KIF21A: variants seen among roughly 807,000 people sequenced by gnomAD.
KIF21A encodes kinesin-like protein KIF21A.
KIF21A carries 114 observed loss-of-function variants against 202.9 expected under a neutral mutation model. The observed-to-expected ratio is 0.56, with a 90% CI of 0.48 to 0.66. The LOEUF is 0.66. KIF21A is among the 30% of genes least tolerant of loss of function. The probability of loss-of-function intolerance (pLI) is 0.00; values close to 1 mark genes in which losing one functional copy is unlikely to be tolerated. For synonymous variants in KIF21A, 667 were observed against 670.8 expected, an observed-to-expected ratio of 0.99 and a Z score of 0.09; for missense variants, 1,677 against 1,994.9, an observed-to-expected ratio of 0.84 and a Z score of 3.04.
chr12:39,379,326 TAAA>T (rs58672877), intron 1 of KIF21A, among the ~76,000 whole-genome samples: 1 of 129,514 alleles, frequency 7.7e-6, no homozygotes, highest in Non-Finnish European at 1.7e-5. Flanking sequence ...AGACTCTGTC[TAAA>T]AAAAAAAAAA....
At chr12:39,313,525 TTAGAG>T (rs531511740) in intron 31 of KIF21A, among the ~76,000 whole-genome samples, 269 of 151,980 alleles carry the variant, frequency 1.8e-3, no homozygotes, top group African/African-American at 5.7e-3. Context: ...TATGGAACTG[TTAGAG>T]TAAAGTATTT....
intron 31 of KIF21A, among the ~76,000 whole-genome samples, chr12:39,313,470 AC>A: frequency 6.6e-6 from 1 of 151,912 alleles, no homozygotes. Context: ...TAAAGCCCAT[AC>A]AATAAGACTT....
chr12:39,358,535 A>C (rs1206615547), intron 7 of KIF21A, among the ~76,000 whole-genome samples, 162 bp from the exon 8 acceptor site: 4 of 152,222 alleles, frequency 2.6e-5, no homozygotes. Flanking sequence ...CTTAAGAAAA[A>C]GCTTTTGTTT....
intron 1 of KIF21A, among the ~76,000 whole-genome samples, chr12:39,407,121 C>T (rs891530589): frequency 6.6e-6 from 1 of 152,184 alleles, no homozygotes; most frequent in Non-Finnish European, 1.5e-5. Context: ...CCTTCCAGCT[C>T]CTGCATTGTC....
chr12:39,417,689 C>G (rs531804566), intron 1 of KIF21A, among the ~76,000 whole-genome samples: 10 of 152,244 alleles, frequency 6.6e-5, no homozygotes, highest in Non-Finnish European at 1.5e-4. Flanking sequence ...TCATACTTCA[C>G]TGGTCTACAT....
chr12:39,363,299 A>T, intron 6 of KIF21A, 86 bp from the exon 7 acceptor site: 2 of 742,254 alleles, frequency 2.7e-6, no homozygotes, highest in Non-Finnish European at 4.6e-6. Flanking sequence ...ACAGAGAATA[A>T]TATAGAGACA....
At chr12:39,300,256 T>C (rs1449685799) in intron 37 of KIF21A, among the ~76,000 whole-genome samples, 1 of 152,142 alleles carries the variant, frequency 6.6e-6, no homozygotes, top group Non-Finnish European at 1.5e-5. Flanking sequence ...CAATGTGGGA[T>C]ATATCCAGTA....
intron 1 of KIF21A, among the ~76,000 whole-genome samples, chr12:39,415,119 C>G (rs972343464): frequency 4.6e-5 from 7 of 150,598 alleles, no homozygotes; most frequent in Non-Finnish European, 1.0e-4. Flanking sequence ...GGCTGTTCAA[C>G]AGAACTGAGT....
At chr12:39,324,092 A>G (rs970263797) in intron 26 of KIF21A, among the ~76,000 whole-genome samples, 5 of 152,060 alleles carry the variant, frequency 3.3e-5, no homozygotes, top group African/African-American at 1.2e-4. Flanking sequence ...TCTGGGCGAT[A>G]GAGCAAGACT....
At chr12:39,338,531 C>T (rs74947077) in intron 16 of KIF21A, among the ~76,000 whole-genome samples, 5 of 152,298 alleles carry the variant, frequency 3.3e-5, no homozygotes, top group Admixed American at 1.3e-4. Flanking sequence ...TAGGACTTCA[C>T]GTTCATTCAC....
At position 39,340,252 on chromosome 12, in the gene KIF21A, T is replaced by G; in HGVS notation, c.2223A>C (p.Glu741Asp). The change falls in exon 16 of 38, where the codon GAA becomes GAC. Residue 741 changes from glutamate (E) to aspartate (D), a missense_variant. Physicochemically the swap from Glu to Asp is conservative, Grantham distance 45 (BLOSUM62 2). Transcript: ENST00000361418. The part of the protein sequence containing the change: ...ELQRLQAAQK[E>D]HARLLKNQSQ... The stretch of plus-strand genomic sequence containing the variant: ...ACTGATTTTTAAGCAACCTTGCATG[T>G]TCTTTTTGAGCTGCTTGAAGTCTCT... The G allele has an allele frequency of 6.2e-7, 1 of 1,613,328 alleles. No individual in the cohort carries two copies. Among genetic ancestry groups the G allele is most frequent in the Non-Finnish European group, 8.5e-7 (1 of 1,179,642 alleles).
At chr12:39,393,387 T>G (rs923414859) in intron 1 of KIF21A, among the ~76,000 whole-genome samples, 42 of 152,132 alleles carry the variant, frequency 2.8e-4, no homozygotes, top group African/African-American at 1.0e-3. Flanking sequence ...AGGCAAGAGA[T>G]AAGAAAAAGG....
chr12:39,374,641 C>CCCT (rs1463819116), intron 1 of KIF21A, among the ~76,000 whole-genome samples: 2 of 151,884 alleles, frequency 1.3e-5, no homozygotes, highest in Non-Finnish European at 2.9e-5. Context: ...ACTGACTTAC[C>CCCT]CCTATAAACT....
chr12:39,390,212 C>T (rs1951247654), intron 1 of KIF21A, among the ~76,000 whole-genome samples: 1 of 152,100 alleles, frequency 6.6e-6, no homozygotes, highest in South Asian at 2.1e-4. Context: ...CAAAAAAACA[C>T]CTAGGTTTTT....
intron 1 of KIF21A, among the ~76,000 whole-genome samples, chr12:39,428,374 T>G (rs1038317610): frequency 6.6e-6 from 1 of 152,188 alleles, no homozygotes; most frequent in African/African-American, 2.4e-5. Flanking sequence ...CAGACCTCAT[T>G]TGTTGATACC....
intron 1 of KIF21A, among the ~76,000 whole-genome samples, chr12:39,430,040 AATATTTG>A (rs1937642635): frequency 6.6e-6 from 1 of 152,036 alleles, no homozygotes; most frequent in Admixed American, 6.6e-5. Context: ...TCTGAACTCA[AATATTTG>A]TGATTCTAAA....
chr12:39,431,735 C>T (rs765535943), intron 1 of KIF21A, among the ~76,000 whole-genome samples: 3 of 152,202 alleles, frequency 2.0e-5, no homozygotes, highest in East Asian at 1.9e-4. Context: ...AAATTTAGAG[C>T]CAAAGCTAAC....
chr12:39,360,219 CT>C (rs1565956852), intron 7 of KIF21A, among the ~76,000 whole-genome samples: 2 of 151,756 alleles, frequency 1.3e-5, no homozygotes, highest in African/African-American at 4.8e-5. Flanking sequence ...TAAAAAAAAG[CT>C]ATTTATTTTA....
chr12:39,380,400 CT>C (rs1161273686), intron 1 of KIF21A, among the ~76,000 whole-genome samples: 1 of 152,194 alleles, frequency 6.6e-6, no homozygotes, highest in Admixed American at 6.5e-5. Context: ...GACCCAGTCT[CT>C]TTCCTGGATA....
Sources: gnomAD v4.1 joint callset for allele counts (sites outside exome capture counted in the v4.1 genomes callset) on GRCh38, gnomAD v4.1.1 for gene constraint, MANE v1.5 for transcripts, NCBI Gene and HGNC (gene_info 2026-07-23, HGNC 2026-07-21) for gene names.